Variants in PTPRD observed in about 807,000 individuals in gnomAD.
PTPRD encodes the protein receptor-type tyrosine-protein phosphatase delta.
A neutral mutation model predicts 214.5 loss-of-function variants in PTPRD; 34 were observed. That is an observed-to-expected ratio of 0.16 (90% CI 0.12 to 0.21). The LOEUF is 0.21. Among genes scored for constraint, PTPRD ranks in the 10% least tolerant of loss-of-function variants. The pLI is 1.00. For synonymous variants in PTPRD, 1,128 were observed against 845.7 expected (o/e 1.33, Z -5.79); for missense variants, 2,545 against 2,398.7 (o/e 1.06, Z -1.27).
chr9:8,579,227 A>G (rs1234879158), intron 14 of PTPRD, among the ~76,000 whole-genome samples: 1 of 152,218 alleles, frequency 6.6e-6, no homozygotes, highest in Admixed American at 6.6e-5. Flanking sequence ...CCAACTGTCC[A>G]TCTAATCTTT....
intron 8 of PTPRD, among the ~76,000 whole-genome samples, chr9:9,479,219 C>CT (rs1471062965): frequency 7.6e-5 from 2 of 26,186 alleles, no homozygotes; most frequent in Admixed American, 3.0e-4. Flanking sequence ...ACACACGCCC[C>CT]CCCCCCCCCC....
intron 10 of PTPRD, among the ~76,000 whole-genome samples, chr9:9,153,703 T>C (rs74574106): frequency 0.034 from 5,179 of 152,224 alleles, 311 homozygotes; most frequent in African/African-American, 0.12. Flanking sequence ...ATTTGGTAAA[T>C]AGGTGGCAAA....
intron 10 of PTPRD, among the ~76,000 whole-genome samples, chr9:9,106,038 C>A (rs891215832): frequency 6.6e-6 from 1 of 151,982 alleles, no homozygotes; most frequent in Non-Finnish European, 1.5e-5. Context: ...AAGGGGGGGT[C>A]GATGGCTGAG....
rs185755729 is a variant in PTPRD, at chr9:10,283,004, C to A, written c.-545+57959G>T. Among the ~76,000 whole-genome samples, 307 of 152,112 alleles carry A rather than the reference C, an allele frequency of 2.0e-3. 2 individuals carry two copies. The highest frequency in any genetic ancestry group is 0.017 in the Admixed American group (253 of 15,266). The stretch of plus-strand genomic sequence containing the variant: ...TTTTTCATTAATATCTGTTCTTTTG[C>A]ATGATTTTCATTTCTGTTAAGAAAA... On this transcript the variant is annotated intron_variant, in intron 3 of 45. Transcript: ENST00000381196.
At chr9:8,952,369 T>C (rs577357836) in intron 11 of PTPRD, among the ~76,000 whole-genome samples, 1 of 152,016 alleles carries the variant, frequency 6.6e-6, no homozygotes, top group East Asian at 1.9e-4. Context: ...ATTTGCACTA[T>C]TCTATAAAGG....
intron 11 of PTPRD, among the ~76,000 whole-genome samples, chr9:8,997,083 T>G (rs1446706599): frequency 1.3e-5 from 2 of 152,142 alleles, no homozygotes; most frequent in South Asian, 4.1e-4. Flanking sequence ...CCTTGTTTCT[T>G]TATTTGTGAA....
intron 11 of PTPRD, among the ~76,000 whole-genome samples, chr9:8,734,321 G>A (rs572061126): frequency 2.6e-5 from 4 of 152,332 alleles, no homozygotes; most frequent in African/African-American, 9.6e-5. Context: ...GCACACCAGT[G>A]CTATGAGAAA....
At chr9:9,578,745 G>A (rs893117526) in intron 7 of PTPRD, among the ~76,000 whole-genome samples, 28 of 152,094 alleles carry the variant, frequency 1.8e-4, no homozygotes, top group Admixed American at 5.2e-4. Context: ...TTTCACAGAA[G>A]AGACTGAAAG....
intron 6 of PTPRD, among the ~76,000 whole-genome samples, chr9:9,764,867 T>C (rs911229917): frequency 6.6e-6 from 1 of 152,174 alleles, no homozygotes; most frequent in African/African-American, 2.4e-5. Flanking sequence ...AGTTTTCAGT[T>C]CATTACCAGA....
At chr9:10,268,111 C>T (rs912734231) in intron 3 of PTPRD, among the ~76,000 whole-genome samples, 1 of 135,586 alleles carries the variant, frequency 7.4e-6, no homozygotes, top group Non-Finnish European at 1.6e-5. Context: ...ACCCCCATCT[C>T]CATCTTTTTT....
chr9:9,396,249 G>A (rs1199037393), intron 9 of PTPRD, among the ~76,000 whole-genome samples: 1 of 151,990 alleles, frequency 6.6e-6, no homozygotes, highest in African/African-American at 2.4e-5. Context: ...CCCTTGGGGA[G>A]CCGTCAAAGG....
intron 3 of PTPRD, among the ~76,000 whole-genome samples, chr9:10,213,528 A>G (rs1217961611): frequency 1.3e-5 from 2 of 152,152 alleles, no homozygotes; most frequent in East Asian, 3.9e-4. Flanking sequence ...ACATCTGAGG[A>G]AATCCACCTG....
chr9:8,486,234 G>A lies in PTPRD; in HGVS notation c.2583C>T (p.Gly861=), dbSNP rs751169801. 1.9e-6 allele frequency: 3 copies of A among 1,614,148 alleles called. No homozygotes were observed. Among genetic ancestry groups the A allele is most frequent in the Non-Finnish European group, 2.5e-6 (3 of 1,180,014 alleles). ...GPLQGYRLKF[G]RKDMEPLTTL... is the part of the protein sequence containing the mutation. Reference sequence around the variant, plus strand: ...TAGTAAGTGGCTCCATATCCTTGCGGCCAAATTTTAGACGGTAGCCCTGAA... The same window carrying A: ...TAGTAAGTGGCTCCATATCCTTGCGACCAAATTTTAGACGGTAGCCCTGAA... The change falls in exon 28 of 46, where the codon GGC becomes GGT. Residue 861 remains glycine (G), a synonymous_variant. Coordinates refer to ENST00000381196, the MANE Select transcript of PTPRD (RefSeq NM_002839.4).
intron 14 of PTPRD, among the ~76,000 whole-genome samples, chr9:8,566,599 C>G (rs1212804233): frequency 6.6e-6 from 1 of 152,122 alleles, no homozygotes; most frequent in Non-Finnish European, 1.5e-5. Context: ...TCACCAGTAG[C>G]TCTCACTAAC....
At chr9:8,538,552 T>C (rs941836003) in intron 14 of PTPRD, among the ~76,000 whole-genome samples, 4 of 151,586 alleles carry the variant, frequency 2.6e-5, no homozygotes, top group Non-Finnish European at 5.9e-5. Flanking sequence ...AAAATCAGAA[T>C]CAATTGTGTA....
At chr9:8,835,711 A>AT (rs1230863829) in intron 11 of PTPRD, among the ~76,000 whole-genome samples, 1 of 151,690 alleles carries the variant, frequency 6.6e-6, no homozygotes, top group East Asian at 1.9e-4. Context: ...TTTTACTTTT[A>AT]TTTTTTGTAG....
chr9:8,803,858 A>G (rs1267411194), intron 11 of PTPRD, among the ~76,000 whole-genome samples: 1 of 152,136 alleles, frequency 6.6e-6, no homozygotes, highest in East Asian at 1.9e-4. Context: ...TGCAAAACCT[A>G]TTTATTGGTA....
intron 43 of PTPRD, among the ~76,000 whole-genome samples, chr9:8,334,961 G>A (rs963802898): frequency 4.0e-5 from 6 of 150,736 alleles, no homozygotes. Flanking sequence ...ACTAAACCAG[G>A]AAGAAGTTGA....
intron 33 of PTPRD, among the ~76,000 whole-genome samples, chr9:8,457,356 T>C (rs563689648): frequency 1.4e-4 from 22 of 152,272 alleles, no homozygotes; most frequent in Non-Finnish European, 2.4e-4. Flanking sequence ...TTCAAAATTA[T>C]AGTACAAGAA....
Sources: gnomAD v4.1 joint callset for allele counts (sites outside exome capture counted in the v4.1 genomes callset) on GRCh38, gnomAD v4.1.1 for gene constraint, MANE v1.5 for transcripts, NCBI Gene and HGNC (gene_info 2026-07-23, HGNC 2026-07-21) for gene names.